The following CRISPLD1 variants were observed in gnomAD, a reference collection of about 807,000 sequenced individuals.
CRISPLD1 encodes the protein cysteine-rich secretory protein LCCL domain-containing 1.
CRISPLD1 carries 60 observed loss-of-function variants against 77.5 expected under a neutral mutation model. That is an observed-to-expected ratio of 0.77 (90% CI 0.63 to 0.96). The LOEUF (loss-of-function observed/expected upper bound fraction) is 0.96, where lower values mean the gene tolerates loss of function less well. Among genes scored for constraint, CRISPLD1 ranks in the 40% least tolerant of loss-of-function variants. The pLI is 0.00. For missense variants in CRISPLD1, 623 were observed against 615.8 expected (o/e 1.01, Z -0.12); for synonymous variants, 195 against 200.1 (o/e 0.97, Z 0.22).
intron 2 of CRISPLD1, among the ~76,000 whole-genome samples, chr8:74,988,285 A>G (rs750820447): frequency 6.6e-6 from 1 of 152,224 alleles, no homozygotes; most frequent in Non-Finnish European, 1.5e-5. Context: ...TTATTCTGAG[A>G]AAACAAACCT....
intron 6 of CRISPLD1, among the ~76,000 whole-genome samples, chr8:75,015,263 AAC>A (rs2128785830): frequency 6.6e-6 from 1 of 152,250 alleles, no homozygotes; most frequent in Non-Finnish European, 1.5e-5. Flanking sequence ...TTAGCAATTT[AAC>A]ACAATTTATT....
At chr8:75,005,883 A>T (rs1466595487) in intron 2 of CRISPLD1, among the ~76,000 whole-genome samples, 1 of 152,122 alleles carries the variant, frequency 6.6e-6, no homozygotes, top group African/African-American at 2.4e-5. Flanking sequence ...CCATATTTCC[A>T]TTAGATTATT....
chr8:74,993,600 T>G (rs1051130539), intron 2 of CRISPLD1, among the ~76,000 whole-genome samples: 2 of 152,188 alleles, frequency 1.3e-5, no homozygotes, highest in Admixed American at 1.3e-4. Flanking sequence ...TTTTGAAAAT[T>G]GCACCATAGA....
intron 2 of CRISPLD1, among the ~76,000 whole-genome samples, chr8:75,007,987 A>T (rs1812864278): frequency 6.6e-6 from 1 of 152,092 alleles, no homozygotes; most frequent in Non-Finnish European, 1.5e-5. Context: ...GGCCTGGTTT[A>T]ATTTTGAAAG....
Position 75,020,035 on chromosome 8 carries a change from G to A in CRISPLD1, c.1200G>A (p.Val400=). The A allele has an allele frequency of 6.2e-7, 1 of 1,614,084 alleles. No homozygotes were observed. The highest frequency in any genetic ancestry group is 8.5e-7 in the Non-Finnish European group (1 of 1,179,976). The change falls in exon 12 of 15, where the codon GTG becomes GTA. Residue 400 remains valine, a synonymous_variant. Transcript: ENST00000262207. ...TVQAVTCETT[V]EQLCPFHKPA... ...AGGCTGTGACTTGTGAAACAACTGTGGAACAGCTCTGTCCATTTCATAAGC... is the reference window on the plus strand; with the variant it reads ...AGGCTGTGACTTGTGAAACAACTGTAGAACAGCTCTGTCCATTTCATAAGC...
At chr8:75,012,036 G>A (rs74354136) in intron 2 of CRISPLD1, among the ~76,000 whole-genome samples, 9,583 of 152,142 alleles carry the variant, frequency 0.063, 343 homozygotes, top group South Asian at 0.083. Context: ...ACAAATAACT[G>A]GGAGAAGGTT....
chr8:75,017,534 G>A lies in CRISPLD1; in HGVS notation c.1127+84G>A, dbSNP rs558892566. The A allele has an allele frequency of 3.0e-5, 34 of 1,139,672 alleles. No individual in the cohort carries two copies. The East Asian group carries it at 6.6e-4, about 22-fold the overall frequency. The allele number at this position is 1,139,672 out of a possible 1,614,324, so 70.6% of individuals were successfully genotyped here. On this transcript the variant is annotated intron_variant, in intron 10 of 14. Coordinates refer to ENST00000262207, the MANE Select transcript of CRISPLD1 (RefSeq NM_031461.6). ...ACATTTTTTTTTAGAGCAAAGCATA[G>A]AATAATTTAAGAAGAAAGAATTTGG...
At chr8:74,991,436 A>C (rs1233724464) in intron 2 of CRISPLD1, among the ~76,000 whole-genome samples, 1 of 152,202 alleles carries the variant, frequency 6.6e-6, no homozygotes, top group African/African-American at 2.4e-5. Flanking sequence ...AAAGCCCACC[A>C]TGATTAGCTT....
At chr8:74,994,301 G>A (rs748484680) in intron 2 of CRISPLD1, among the ~76,000 whole-genome samples, 4 of 152,194 alleles carry the variant, frequency 2.6e-5, no homozygotes, top group Non-Finnish European at 4.4e-5. Context: ...AAAATTCAAG[G>A]AGGCCTTGTT....
intron 7 of CRISPLD1, 49 bp downstream of exon 7, chr8:75,016,754 A>T (rs769356442): frequency 6.4e-7 from 1 of 1,570,696 alleles, no homozygotes; most frequent in Admixed American, 1.9e-5. Context: ...CATAAATGGT[A>T]TATCCATCAA....
rs1813273362 is a variant in CRISPLD1, at chr8:75,028,378, ATCAC to A, written c.1321-1004_1321-1001del. ...ATGCTTATTTTAAAAAGCATATTAAATCACTCACATGTGCATAGAGATAAGAAAA... is the reference window on the plus strand; with the variant it reads ...ATGCTTATTTTAAAAAGCATATTAAATCACATGTGCATAGAGATAAGAAAA... On this transcript the variant is annotated intron_variant, in intron 13 of 14. Coordinates refer to ENST00000262207, the MANE Select transcript of CRISPLD1 (RefSeq NM_031461.6). Among the ~76,000 whole-genome samples the A allele has an allele frequency of 2.0e-5, 3 of 152,144 alleles. No individual in the cohort carries two copies. The South Asian group carries it at 6.2e-4, about 31-fold the overall frequency.
intron 2 of CRISPLD1, among the ~76,000 whole-genome samples, chr8:75,005,347 A>C (rs531769665): frequency 2.0e-5 from 3 of 152,290 alleles, no homozygotes; most frequent in African/African-American, 4.8e-5. Context: ...TCAGCTCCGT[A>C]ATGTTAGAGA....
intron 2 of CRISPLD1, among the ~76,000 whole-genome samples, chr8:75,004,941 ATCTTCTT>A (rs2128783385): frequency 6.6e-6 from 1 of 152,256 alleles, no homozygotes; most frequent in Admixed American, 6.5e-5. Context: ...TATTAAGATT[ATCTTCTT>A]ACTCAACTAA....
At chr8:74,990,820 C>T (rs1030715932) in intron 2 of CRISPLD1, among the ~76,000 whole-genome samples, 6 of 151,296 alleles carry the variant, frequency 4.0e-5, no homozygotes, top group African/African-American at 1.2e-4. Context: ...AACTTTTTAC[C>T]ATACATTTCC....
At chr8:75,002,300 C>G (rs1263951163) in intron 2 of CRISPLD1, among the ~76,000 whole-genome samples, 1 of 149,476 alleles carries the variant, frequency 6.7e-6, no homozygotes, top group Non-Finnish European at 1.5e-5. Context: ...AGACAGGATA[C>G]ATTAATTACA....
At chr8:75,018,180 C>A (rs1397035373) in intron 10 of CRISPLD1, among the ~76,000 whole-genome samples, 3 of 152,106 alleles carry the variant, frequency 2.0e-5, no homozygotes, top group Admixed American at 2.0e-4. Flanking sequence ...CATGAAACTT[C>A]ACAGTGGGGT....
In CRISPLD1 at chr8:75,033,142, C is replaced by T. The variant is rs1403218721; in HGVS notation, c.*900C>T. 1 of 151,900 alleles carries T rather than the reference C, an allele frequency of 6.6e-6. No homozygotes were observed. The highest frequency in any genetic ancestry group is 1.9e-4 in the East Asian group (1 of 5,188). 9.4% of individuals were successfully genotyped at this position (151,900 alleles called of 1,614,324 possible). On this transcript the variant is annotated 3_prime_UTR_variant, in exon 15 of 15. Coordinates refer to ENST00000262207, the MANE Select transcript of CRISPLD1 (RefSeq NM_031461.6). ...ATATAAATATTGCCATATCATGGTA[C>T]CTATAATGGTGATATATTTGTTTCT...
At chr8:75,000,349 G>C (rs1339671872) in intron 2 of CRISPLD1, 1 of 985,254 alleles carries the variant, frequency 1.0e-6, no homozygotes, top group African/African-American at 1.7e-5. Context: ...TAAGAACATG[G>C]AAACTCCTGT....
chr8:74,991,598 T>G (rs1812574212), intron 2 of CRISPLD1, among the ~76,000 whole-genome samples: 1 of 152,210 alleles, frequency 6.6e-6, no homozygotes, highest in Admixed American at 6.5e-5. Flanking sequence ...TGGTACTGTC[T>G]CGGCTCACTG....
Sources: gnomAD v4.1 joint callset for allele counts (sites outside exome capture counted in the v4.1 genomes callset) on GRCh38, gnomAD v4.1.1 for gene constraint, MANE v1.5 for transcripts, NCBI Gene and HGNC (gene_info 2026-07-23, HGNC 2026-07-21) for gene names.